DOCK2: variants seen among roughly 807,000 people sequenced by gnomAD.
DOCK2 encodes dedicator of cytokinesis protein 2.
In DOCK2, 87 loss-of-function variants were observed where a neutral mutation model predicts 248.9. That is an observed-to-expected ratio of 0.35 (90% CI 0.29 to 0.42). The LOEUF is 0.42. Among genes scored for constraint, DOCK2 ranks in the 10% least tolerant of loss-of-function variants. The pLI, the probability that DOCK2 is intolerant of heterozygous loss-of-function variation, is 1.00. For synonymous variants in DOCK2, 805 were observed against 821.6 expected, an observed-to-expected ratio of 0.98 and a Z score of 0.35; for missense variants, 1,747 against 2,300.2, an observed-to-expected ratio of 0.76 and a Z score of 4.92.
At chr5:169,722,741 A>T (rs1762278014) in intron 22 of DOCK2, among the ~76,000 whole-genome samples, 1 of 152,240 alleles carries the variant, frequency 6.6e-6, no homozygotes, top group African/African-American at 2.4e-5. Context: ...GTTTTCACTT[A>T]GGAGAAACAG....
chr5:170,000,223 T>C (rs923266303), intron 30 of DOCK2: 6 of 152,344 alleles, frequency 3.9e-5, no homozygotes, highest in African/African-American at 1.4e-4. Flanking sequence ...TCTTGGAATC[T>C]TGATAGAAGG....
At chr5:170,007,971 A>T (rs1041856647) in intron 30 of DOCK2, among the ~76,000 whole-genome samples, 1 of 152,156 alleles carries the variant, frequency 6.6e-6, no homozygotes, top group South Asian at 2.1e-4. Context: ...GAAACTATTC[A>T]ACTAAGGGGA....
intron 27 of DOCK2, among the ~76,000 whole-genome samples, chr5:169,914,903 G>T (rs1774792081): frequency 6.6e-6 from 1 of 152,218 alleles, no homozygotes; most frequent in Non-Finnish European, 1.5e-5. Flanking sequence ...TTGTTGTCTG[G>T]CTTCCTGTGC....
At chr5:169,714,591 A>T (rs1230860539) in intron 19 of DOCK2, 134 bp downstream of exon 19, 3 of 895,496 alleles carry the variant, frequency 3.4e-6, no homozygotes, top group Non-Finnish European at 5.0e-6. Context: ...CACTCTCCCG[A>T]GTTGCCTTGA....
At chr5:169,670,474 G>T in intron 3 of DOCK2, 68 bp from the exon 4 acceptor site, 1 of 1,564,770 alleles carries the variant, frequency 6.4e-7, no homozygotes, top group Non-Finnish European at 8.7e-7. Context: ...AAAGACGTAG[G>T]GTCATTCATT....
At chr5:169,942,779 A>G (rs530120130) in intron 27 of DOCK2, among the ~76,000 whole-genome samples, 2 of 152,314 alleles carry the variant, frequency 1.3e-5, no homozygotes, top group South Asian at 4.1e-4. Context: ...TAGCCTGCTC[A>G]AAGGTTAACT....
At chr5:169,934,920 C>G in intron 27 of DOCK2, 1 of 334,622 alleles carries the variant, frequency 3.0e-6, no homozygotes. Flanking sequence ...CAACAATGAC[C>G]TGAGAAAGTA....
chr5:169,805,123 G>A (rs765788510), intron 26 of DOCK2, among the ~76,000 whole-genome samples: 2 of 150,474 alleles, frequency 1.3e-5, no homozygotes, highest in Non-Finnish European at 2.9e-5. Flanking sequence ...TCATGCCTGT[G>A]ATCCCAGCAT....
chr5:169,887,116 G>A (rs934609696), intron 27 of DOCK2, among the ~76,000 whole-genome samples: 2 of 152,098 alleles, frequency 1.3e-5, no homozygotes, highest in African/African-American at 2.4e-5. Context: ...CTCACCATTG[G>A]GCCTTCCTGC....
At chr5:169,884,055 C>G in intron 27 of DOCK2, 1 of 568,434 alleles carries the variant, frequency 1.8e-6, no homozygotes, top group Non-Finnish European at 2.9e-6. Context: ...TCCTGTTGGC[C>G]ATTCCCAGCC....
chr5:170,061,688 C>A (rs17738770), intron 44 of DOCK2, among the ~76,000 whole-genome samples: 51,142 of 152,158 alleles, frequency 0.34, 8,936 homozygotes, highest in East Asian at 0.47. Flanking sequence ...TATAATGAGG[C>A]TAACACTTTG....
At chr5:169,933,849 G>A (rs774506449) in intron 27 of DOCK2, among the ~76,000 whole-genome samples, 1 of 152,140 alleles carries the variant, frequency 6.6e-6, no homozygotes, top group Non-Finnish European at 1.5e-5. Context: ...CAGACTTACT[G>A]TAACCAGAGA....
At chr5:169,751,342 G>C (rs1024126697) in intron 23 of DOCK2, among the ~76,000 whole-genome samples, 12 of 151,990 alleles carry the variant, frequency 7.9e-5, no homozygotes, top group Non-Finnish European at 1.5e-5. Flanking sequence ...CACAAGAAGT[G>C]ACTGTATGAA....
intron 27 of DOCK2, among the ~76,000 whole-genome samples, chr5:169,902,947 A>G (rs1196385550): frequency 6.6e-6 from 1 of 151,984 alleles, no homozygotes; most frequent in Non-Finnish European, 1.5e-5. Context: ...AAAATACAAA[A>G]ATTAGCTGGG....
chr5:169,810,371 T>C (rs2113176881), intron 26 of DOCK2, among the ~76,000 whole-genome samples: 1 of 152,340 alleles, frequency 6.6e-6, no homozygotes, highest in Admixed American at 6.5e-5. Context: ...TGTATATGCG[T>C]GTGCATTTTG....
At chr5:170,038,442 A>T (rs899309208) in intron 36 of DOCK2, among the ~76,000 whole-genome samples, 1 of 152,244 alleles carries the variant, frequency 6.6e-6, no homozygotes, top group Non-Finnish European at 1.5e-5. Flanking sequence ...ATTTAAAAAC[A>T]TTTTTAATTG....
intron 49 of DOCK2, 51 bp from the exon 50 acceptor site, chr5:170,080,112 C>A: frequency 6.2e-7 from 1 of 1,606,484 alleles, no homozygotes; most frequent in South Asian, 1.1e-5. Context: ...CTGCCTCATG[C>A]TAAGCCTCTG....
At chr5:169,926,123 T>C (rs538968870) in intron 27 of DOCK2, among the ~76,000 whole-genome samples, 1 of 152,218 alleles carries the variant, frequency 6.6e-6, no homozygotes, top group East Asian at 1.9e-4. Context: ...AAAACATAGA[T>C]CTGGGAAGCC....
chr5:169,939,004 C>T (rs543746678), intron 27 of DOCK2, among the ~76,000 whole-genome samples: 2 of 151,370 alleles, frequency 1.3e-5, no homozygotes, highest in East Asian at 1.9e-4. Context: ...CCTGGGTTCA[C>T]GCCATTCTCC....
Sources: gnomAD v4.1 joint callset for allele counts (sites outside exome capture counted in the v4.1 genomes callset) on GRCh38, gnomAD v4.1.1 for gene constraint, MANE v1.5 for transcripts, NCBI Gene and HGNC (gene_info 2026-07-23, HGNC 2026-07-21) for gene names.